NAALADL2: variants seen among roughly 807,000 people sequenced by gnomAD.
The protein encoded by NAALADL2 is inactive N-acetylated-alpha-linked acidic dipeptidase-like protein 2.
In NAALADL2, 76 loss-of-function variants were observed where a neutral mutation model predicts 87.2. That is an observed-to-expected ratio of 0.87 (90% CI 0.72 to 1.05). The LOEUF is 1.05. Among genes scored for constraint, NAALADL2 ranks in the 50% least tolerant of loss-of-function variants. The pLI, the probability that NAALADL2 is intolerant of heterozygous loss-of-function variation, is 0.00. For missense variants in NAALADL2, 1,089 were observed against 945.8 expected, an observed-to-expected ratio of 1.15 and a Z score of -1.99; for synonymous variants, 354 against 331.0, an observed-to-expected ratio of 1.07 and a Z score of -0.75.
At chr3:174,704,176 T>C (rs1174869602) in intron 2 of NAALADL2, among the ~76,000 whole-genome samples, 1 of 152,192 alleles carries the variant, frequency 6.6e-6, no homozygotes, top group Non-Finnish European at 1.5e-5. Flanking sequence ...TCTCTTTTTT[T>C]CTGGTGATAT....
At chr3:174,895,670 C>T (rs537914547) in intron 1 of NAALADL2, among the ~76,000 whole-genome samples, 23 of 152,078 alleles carry the variant, frequency 1.5e-4, no homozygotes, top group African/African-American at 5.5e-4. Context: ...TACTTCCAAA[C>T]TTATTGTATG....
chr3:174,789,599 A>G (rs1717217886), intron 3 of NAALADL2, among the ~76,000 whole-genome samples: 2 of 152,152 alleles, frequency 1.3e-5, no homozygotes, highest in Non-Finnish European at 2.9e-5. Context: ...ACAAAAACAC[A>G]AGAAAACAAA....
intron 10 of NAALADL2, among the ~76,000 whole-genome samples, chr3:175,577,680 CA>C (rs367707042): frequency 0.013 from 2,015 of 151,986 alleles, 38 homozygotes; most frequent in African/African-American, 0.045. Flanking sequence ...TATTTATCTC[CA>C]AAAAAAGAAT....
intron 2 of NAALADL2, among the ~76,000 whole-genome samples, chr3:174,710,477 C>T (rs1349701369): frequency 1.6e-4 from 24 of 152,108 alleles, no homozygotes. Context: ...TGGCCTTGAA[C>T]TCCAGACCTC....
At chr3:174,709,857 G>A (rs9882444) in intron 2 of NAALADL2, among the ~76,000 whole-genome samples, 38,704 of 151,986 alleles carry the variant, frequency 0.25, 5,450 homozygotes, top group East Asian at 0.43. Context: ...TTGGAGGGCC[G>A]TATAGTGGAA....
At chr3:174,503,233 T>C (rs1256211113) in intron 1 of NAALADL2, among the ~76,000 whole-genome samples, 1 of 152,184 alleles carries the variant, frequency 6.6e-6, no homozygotes, top group Non-Finnish European at 1.5e-5. Flanking sequence ...TCCCAGGTAG[T>C]ATGCCTGAGT....
chr3:174,720,588 G>A (rs982988046), intron 2 of NAALADL2, among the ~76,000 whole-genome samples: 1 of 152,090 alleles, frequency 6.6e-6, no homozygotes, highest in Non-Finnish European at 1.5e-5. Context: ...TGCAATGAAA[G>A]CTATGGAACT....
intron 13 of NAALADL2, chr3:175,767,756 A>G (rs527375809): frequency 1.3e-5 from 2 of 152,254 alleles, no homozygotes; most frequent in Admixed American, 1.3e-4. Context: ...AACTACTAGA[A>G]CTGAAATAGA....
chr3:175,233,068 C>T (rs1745223595), intron 2 of NAALADL2, among the ~76,000 whole-genome samples: 1 of 152,068 alleles, frequency 6.6e-6, no homozygotes, highest in African/African-American at 2.4e-5. Context: ...ATACAAAGTA[C>T]AGAAAGTACA....
At chr3:175,574,585 C>T (rs1718582019) in intron 9 of NAALADL2, among the ~76,000 whole-genome samples, 1 of 152,062 alleles carries the variant, frequency 6.6e-6, no homozygotes, top group Non-Finnish European at 1.5e-5. Flanking sequence ...AGGAACTGTT[C>T]TGGCTCAGGG....
chr3:175,737,183 A>G (rs576105263), intron 11 of NAALADL2, 123 bp from the exon 12 acceptor site: 9 of 614,040 alleles, frequency 1.5e-5, no homozygotes, highest in Admixed American at 6.5e-5. Context: ...TTATAAAACT[A>G]TATTATTCCT....
At chr3:174,802,894 T>C (rs1224707566) in intron 3 of NAALADL2, among the ~76,000 whole-genome samples, 2 of 152,214 alleles carry the variant, frequency 1.3e-5, no homozygotes, top group Admixed American at 1.3e-4. Context: ...GATGGACATT[T>C]GGGTTGGTTC....
chr3:175,073,206 T>C (rs1230399617), intron 1 of NAALADL2, among the ~76,000 whole-genome samples: 1 of 152,130 alleles, frequency 6.6e-6, no homozygotes, highest in Non-Finnish European at 1.5e-5. Flanking sequence ...GTTTGATTAG[T>C]GATTTTTTGT....
chr3:175,387,604 A>T (rs1188292957), intron 5 of NAALADL2, among the ~76,000 whole-genome samples: 1 of 152,150 alleles, frequency 6.6e-6, no homozygotes, highest in South Asian at 2.1e-4. Context: ...AACCAAAACC[A>T]TGTGTACAGT....
chr3:175,267,511 T>G (rs73881456), intron 4 of NAALADL2, among the ~76,000 whole-genome samples: 4,398 of 152,236 alleles, frequency 0.029, 105 homozygotes, highest in African/African-American at 0.057. Flanking sequence ...CCTTTTATGC[T>G]CAAATAAACT....
At chr3:174,886,785 T>A (rs1368419276) in intron 1 of NAALADL2, among the ~76,000 whole-genome samples, 1 of 152,214 alleles carries the variant, frequency 6.6e-6, no homozygotes, top group Admixed American at 6.5e-5. Context: ...AATTTAACCC[T>A]ATATTTTAAA....
upstream of NAALADL2, among the ~76,000 whole-genome samples, chr3:174,858,046 G>A (rs1246209597): frequency 1.3e-5 from 2 of 150,540 alleles, no homozygotes; most frequent in Non-Finnish European, 3.0e-5. Flanking sequence ...AAAGGAGCTT[G>A]AGCTTCATAT....
At chr3:175,105,642 G>C (rs62287722) in intron 2 of NAALADL2, among the ~76,000 whole-genome samples, 4 of 144,618 alleles carry the variant, frequency 2.8e-5, no homozygotes, top group Non-Finnish European at 4.6e-5. Context: ...AATACACACA[G>C]ACACACACAC....
At chr3:174,457,759 T>C (rs892039389) in intron 1 of NAALADL2, among the ~76,000 whole-genome samples, 2 of 151,730 alleles carry the variant, frequency 1.3e-5, no homozygotes, top group African/African-American at 2.4e-5. Context: ...TGTAGTGAGC[T>C]AAGATCGTGC....
Sources: gnomAD v4.1 joint callset for allele counts (sites outside exome capture counted in the v4.1 genomes callset) on GRCh38, gnomAD v4.1.1 for gene constraint, MANE v1.5 for transcripts, NCBI Gene and HGNC (gene_info 2026-07-23, HGNC 2026-07-21) for gene names.